Variants in PRKG1 observed in about 807,000 individuals in gnomAD.
PRKG1 encodes cGMP-dependent protein kinase 1.
In PRKG1, 35 loss-of-function variants were observed where a neutral mutation model predicts 88.1. The ratio of observed to expected loss-of-function variants is 0.40; its 90% CI spans 0.30 to 0.53. PRKG1 has a LOEUF of 0.53. Ranked by LOEUF, PRKG1 falls within the 20% of genes least tolerant of loss-of-function variation. PRKG1 has a pLI of 0.59. For missense variants in PRKG1, 540 were observed against 839.8 expected (o/e 0.64, Z 4.41); for synonymous variants, 303 against 292.5 (o/e 1.04, Z -0.37).
chr10:51,826,786 C>T (rs1839891411), intron 4 of PRKG1, among the ~76,000 whole-genome samples: 1 of 152,100 alleles, frequency 6.6e-6, no homozygotes, highest in African/African-American at 2.4e-5. Context: ...ACCTGTTAAT[C>T]ATCAAGAAAG....
chr10:51,757,886 A>G (rs936612604), intron 3 of PRKG1, among the ~76,000 whole-genome samples: 23 of 152,206 alleles, frequency 1.5e-4, no homozygotes, highest in Non-Finnish European at 2.1e-4. Context: ...GCACTACTAT[A>G]AAAAGTGTCA....
chr10:51,534,511 A>G lies in PRKG1; in HGVS notation c.592+66675A>G, dbSNP rs1424464564. Among the ~76,000 whole-genome samples, 5 of 150,568 alleles carry G rather than the reference A, an allele frequency of 3.3e-5. No homozygotes were observed. In the Admixed American group the frequency reaches 3.3e-4, roughly 10 times the overall value. ...GTGAAACCTCGTCTCTCCTAAAAAT[A>G]CAAAACATTAGCCGGGCGAGGTGGC... On this transcript the variant is annotated intron_variant, in intron 3 of 17. Transcript: ENST00000373980.
intron 1 of PRKG1, among the ~76,000 whole-genome samples, chr10:50,998,629 T>C (rs1235405763): frequency 6.6e-6 from 1 of 152,108 alleles, no homozygotes; most frequent in Non-Finnish European, 1.5e-5. Context: ...ATGCCTGTAG[T>C]CCCAGCTGCT....
At chr10:52,006,696 A>G (rs537887711) in intron 5 of PRKG1, among the ~76,000 whole-genome samples, 1 of 152,322 alleles carries the variant, frequency 6.6e-6, no homozygotes, top group South Asian at 2.1e-4. Flanking sequence ...AACTTAGAAA[A>G]CATATTTCAG....
At chr10:51,741,350 G>A (rs1837428473) in intron 3 of PRKG1, among the ~76,000 whole-genome samples, 1 of 151,866 alleles carries the variant, frequency 6.6e-6, no homozygotes, top group South Asian at 2.1e-4. Context: ...TAATGTTATT[G>A]ACAGGCTTTT....
chr10:52,070,049 C>T (rs2133283912), intron 7 of PRKG1, among the ~76,000 whole-genome samples: 1 of 152,140 alleles, frequency 6.6e-6, no homozygotes, highest in South Asian at 2.1e-4. Flanking sequence ...TGTTAAACTC[C>T]AAATTAATTA....
intron 5 of PRKG1, among the ~76,000 whole-genome samples, chr10:52,025,904 C>T (rs1845323997): frequency 6.6e-6 from 1 of 151,464 alleles, no homozygotes; most frequent in African/African-American, 2.4e-5. Flanking sequence ...ATCATGCTAC[C>T]TGACTTCAAA....
At chr10:52,008,012 C>G (rs1304758315) in intron 5 of PRKG1, among the ~76,000 whole-genome samples, 1 of 152,080 alleles carries the variant, frequency 6.6e-6, no homozygotes, top group Non-Finnish European at 1.5e-5. Context: ...ATTAAACAAT[C>G]TGCTCCTGTA....
At chr10:52,206,716 A>G (rs1244211916) in intron 9 of PRKG1, among the ~76,000 whole-genome samples, 1 of 152,160 alleles carries the variant, frequency 6.6e-6, no homozygotes, top group Non-Finnish European at 1.5e-5. Context: ...GGACTGTGTG[A>G]TTTAATGCTA....
chr10:52,240,194 T>C (rs1054667924), intron 9 of PRKG1, among the ~76,000 whole-genome samples: 1 of 152,158 alleles, frequency 6.6e-6, no homozygotes. Flanking sequence ...GGTTCACATA[T>C]TGTTAGTGAT....
At chr10:52,166,676 T>A (rs1170603000) in intron 9 of PRKG1, among the ~76,000 whole-genome samples, 1 of 140,988 alleles carries the variant, frequency 7.1e-6, no homozygotes, top group Non-Finnish European at 1.5e-5. Flanking sequence ...TATAAAAAAA[T>A]TAAATACTTT....
At chr10:51,276,630 T>C (rs577404969) in intron 2 of PRKG1, among the ~76,000 whole-genome samples, 44 of 152,210 alleles carry the variant, frequency 2.9e-4, no homozygotes, top group African/African-American at 9.4e-4. Context: ...GCACCTGTTG[T>C]TTCCTGACTT....
intron 2 of PRKG1, among the ~76,000 whole-genome samples, chr10:51,311,212 A>G (rs1297722331): frequency 3.3e-5 from 5 of 152,196 alleles, no homozygotes; most frequent in Non-Finnish European, 5.9e-5. Flanking sequence ...ACCATTGTGT[A>G]TCTCTCATGA....
intron 7 of PRKG1, among the ~76,000 whole-genome samples, chr10:52,067,942 C>G: frequency 6.9e-6 from 1 of 144,842 alleles, no homozygotes; most frequent in East Asian, 2.0e-4. Flanking sequence ...CAGTGGCTCA[C>G]GCCTGTAATC....
chr10:51,521,254 G>A (rs1564533208), intron 3 of PRKG1, among the ~76,000 whole-genome samples: 1 of 152,090 alleles, frequency 6.6e-6, no homozygotes, highest in Non-Finnish European at 1.5e-5. Context: ...TGCCACTCCA[G>A]TTTCCAGTCT....
intron 2 of PRKG1, among the ~76,000 whole-genome samples, chr10:51,345,554 G>T (rs1262411211): frequency 1.3e-5 from 2 of 151,738 alleles, no homozygotes; most frequent in Non-Finnish European, 2.9e-5. Context: ...AAAATGTTGG[G>T]CAGACAGTAA....
chr10:51,049,931 A>G (rs1366810957), intron 1 of PRKG1, among the ~76,000 whole-genome samples: 1 of 152,130 alleles, frequency 6.6e-6, no homozygotes. Flanking sequence ...AGGCTTCATA[A>G]AATTAGAGCT....
chr10:51,679,027 T>G (rs1380469040), intron 3 of PRKG1, among the ~76,000 whole-genome samples: 1 of 152,216 alleles, frequency 6.6e-6, no homozygotes. Flanking sequence ...ATTGATCACC[T>G]AGTACCATGC....
chr10:52,088,926 A>T (rs1306417400), intron 7 of PRKG1, among the ~76,000 whole-genome samples: 1 of 152,204 alleles, frequency 6.6e-6, no homozygotes. Context: ...CAATCCATAG[A>T]TCATATTACA....
Sources: allele counts gnomAD v4.1 joint callset (sites outside exome capture counted in the v4.1 genomes callset), GRCh38; gene constraint gnomAD v4.1.1; transcripts MANE v1.5; gene names NCBI Gene and HGNC (gene_info 2026-07-23, HGNC 2026-07-21).